NRXN1: variants seen among roughly 807,000 people sequenced by gnomAD.
NRXN1 encodes neurexin-1.
Under a neutral mutation model 150.9 loss-of-function variants are expected in NRXN1, and 39 were observed. That is an observed-to-expected ratio of 0.26 (90% CI 0.20 to 0.34). The LOEUF (loss-of-function observed/expected upper bound fraction) is 0.34, where lower values mean the gene tolerates loss of function less well. Ranked by LOEUF, NRXN1 falls within the 10% of genes least tolerant of loss-of-function variation. The pLI is 1.00. For synonymous variants in NRXN1, 924 were observed against 757.0 expected (o/e 1.22, Z -3.62); for missense variants, 1,815 against 1,949.9 (o/e 0.93, Z 1.30).
intron 8 of NRXN1, among the ~76,000 whole-genome samples, chr2:50,583,291 C>T (rs781003056): frequency 2.6e-5 from 4 of 152,124 alleles, no homozygotes; most frequent in Non-Finnish European, 5.9e-5. Context: ...ATCCTCTTGC[C>T]TCAGCCTCCC....
intron 5 of NRXN1, chr2:50,918,383 C>G (rs1193382315): frequency 3.3e-6 from 1 of 298,872 alleles, no homozygotes; most frequent in Non-Finnish European, 6.2e-6. Context: ...GAAAGACAAG[C>G]TTTCTGCCCT....
At chr2:50,846,089 A>C (rs1673610609) in intron 5 of NRXN1, among the ~76,000 whole-genome samples, 2 of 152,222 alleles carry the variant, frequency 1.3e-5, no homozygotes. Flanking sequence ...AAAAGGCAGG[A>C]GTAGAGGAGG....
At chr2:50,226,379 T>A (rs475787) in intron 18 of NRXN1, among the ~76,000 whole-genome samples, 64,732 of 151,716 alleles carry the variant, frequency 0.43, 13,989 homozygotes, top group Middle Eastern at 0.47. Flanking sequence ...AGTAGAATAA[T>A]GATTATGTAG....
intron 18 of NRXN1, among the ~76,000 whole-genome samples, chr2:50,106,195 C>A (rs901320179): frequency 6.7e-6 from 1 of 149,626 alleles, no homozygotes; most frequent in Non-Finnish European, 1.5e-5. Flanking sequence ...TTGAAATCAA[C>A]CTCTACATTA....
At chr2:50,228,726 A>C (rs1489032564) in intron 18 of NRXN1, among the ~76,000 whole-genome samples, 1 of 152,032 alleles carries the variant, frequency 6.6e-6, no homozygotes, top group Non-Finnish European at 1.5e-5. Context: ...TTTGTCTGTC[A>C]ATCACGAATT....
chr2:50,175,021 A>G (rs1471491422), intron 18 of NRXN1: 1 of 152,212 alleles, frequency 6.6e-6, no homozygotes, highest in Non-Finnish European at 1.5e-5. Context: ...ATTGCCTTCA[A>G]ATTATATTTC....
chr2:50,492,747 C>A (rs2091329517), intron 15 of NRXN1, among the ~76,000 whole-genome samples: 1 of 152,174 alleles, frequency 6.6e-6, no homozygotes, highest in Non-Finnish European at 1.5e-5. Context: ...AACAATGTGA[C>A]TTCAGCCCAG....
intron 22 of NRXN1, among the ~76,000 whole-genome samples, chr2:49,926,033 T>G (rs535520714): frequency 1.3e-5 from 2 of 152,360 alleles, no homozygotes; most frequent in South Asian, 4.1e-4. Flanking sequence ...TCAGTAGGAC[T>G]GACAGTGGTC....
At chr2:50,170,649 G>T (rs2059972022) in intron 18 of NRXN1, among the ~76,000 whole-genome samples, 1 of 151,732 alleles carries the variant, frequency 6.6e-6, no homozygotes, top group South Asian at 2.1e-4. Context: ...TTCATATTTG[G>T]GATGCTCAAA....
At chr2:50,311,446 G>T (rs1054594574) in intron 17 of NRXN1, among the ~76,000 whole-genome samples, 2 of 152,034 alleles carry the variant, frequency 1.3e-5, no homozygotes, top group African/African-American at 4.8e-5. Flanking sequence ...GTTATCTAAG[G>T]TTTCTAAATC....
At chr2:51,006,088 T>C (rs1048623229) in intron 2 of NRXN1, among the ~76,000 whole-genome samples, 1 of 151,984 alleles carries the variant, frequency 6.6e-6, no homozygotes, top group Non-Finnish European at 1.5e-5. Context: ...GCTAGCAATC[T>C]TCAAAACGTG....
chr2:50,113,242 T>C (rs904021687), intron 18 of NRXN1, among the ~76,000 whole-genome samples: 1 of 152,226 alleles, frequency 6.6e-6, no homozygotes, highest in African/African-American at 2.4e-5. Context: ...CCATCATTAA[T>C]TTCTTCCTCT....
chr2:50,224,039 G>C (rs757841924), intron 18 of NRXN1, among the ~76,000 whole-genome samples: 2 of 151,932 alleles, frequency 1.3e-5, no homozygotes. Context: ...AAAATACTAT[G>C]TGCTATGTCA....
At chr2:50,103,774 G>T (rs1425446555) in intron 18 of NRXN1, among the ~76,000 whole-genome samples, 1 of 152,018 alleles carries the variant, frequency 6.6e-6, no homozygotes, top group Admixed American at 6.6e-5. Context: ...AAAAGCAAGA[G>T]AATATTTTGA....
intron 5 of NRXN1, among the ~76,000 whole-genome samples, chr2:50,686,444 A>C (rs1691245236): frequency 6.6e-6 from 1 of 152,180 alleles, no homozygotes; most frequent in African/African-American, 2.4e-5. Flanking sequence ...AAAGGGAACT[A>C]TGTCACTAGA....
At chr2:50,551,100 AGGAGGGAGG>A (rs1341904828) in intron 9 of NRXN1, among the ~76,000 whole-genome samples, 5 of 101,094 alleles carry the variant, frequency 4.9e-5, no homozygotes, top group African/African-American at 1.5e-4. Context: ...GAGGAGGAGG[AGGAGGGAGG>A]GGGAGGGGGA....
intron 15 of NRXN1, among the ~76,000 whole-genome samples, chr2:50,482,025 C>T (rs1269033887): frequency 7.3e-6 from 1 of 137,350 alleles, no homozygotes; most frequent in Non-Finnish European, 1.5e-5. Flanking sequence ...GCCTCGGCCT[C>T]CCAAAGTGCT....
intron 5 of NRXN1, among the ~76,000 whole-genome samples, chr2:50,782,685 T>C (rs2105527217): frequency 6.6e-6 from 1 of 152,306 alleles, no homozygotes; most frequent in African/African-American, 2.4e-5. Flanking sequence ...GGATAGAGTA[T>C]TCAAATATTT....
intron 2 of NRXN1, among the ~76,000 whole-genome samples, chr2:50,965,923 G>A (rs904680370): frequency 6.6e-6 from 1 of 151,270 alleles, no homozygotes; most frequent in Non-Finnish European, 1.5e-5. Context: ...CTTTTTACAT[G>A]AGACCAGTAA....
Sources: allele counts gnomAD v4.1 joint callset (sites outside exome capture counted in the v4.1 genomes callset), GRCh38; gene constraint gnomAD v4.1.1; transcripts MANE v1.5; gene names NCBI Gene and HGNC (gene_info 2026-07-23, HGNC 2026-07-21).